HSPA12A: variants seen among roughly 807,000 people sequenced by gnomAD.
HSPA12A encodes heat shock 70 kDa protein 12A.
HSPA12A carries 28 observed loss-of-function variants against 69.2 expected under a neutral mutation model. That is an observed-to-expected ratio of 0.40 (90% CI 0.30 to 0.55). The LOEUF (loss-of-function observed/expected upper bound fraction) is 0.55. Among genes scored for constraint, HSPA12A ranks in the 20% least tolerant of loss-of-function variants. The pLI, the probability that HSPA12A is intolerant of heterozygous loss-of-function variation, is 0.38. For synonymous variants in HSPA12A, 345 were observed against 370.5 expected (o/e 0.93, Z 0.79); for missense variants, 686 against 900.7 (o/e 0.76, Z 3.05).
At chr10:116,779,554 G>C (rs1248402903) in intron 2 of HSPA12A, among the ~76,000 whole-genome samples, 3 of 152,310 alleles carry the variant, frequency 2.0e-5, no homozygotes, top group East Asian at 1.9e-4. Context: ...CCTTTGCCAG[G>C]AGACAGGGAA....
intron 2 of HSPA12A, among the ~76,000 whole-genome samples, chr10:116,779,775 T>A (rs556473470): frequency 2.6e-5 from 4 of 151,874 alleles, no homozygotes; most frequent in Non-Finnish European, 5.9e-5. Context: ...CGAAGCCCAA[T>A]GTGAAGGGAA....
intron 2 of HSPA12A, among the ~76,000 whole-genome samples, chr10:116,787,367 G>A (rs1844600460): frequency 7.1e-6 from 1 of 140,410 alleles, no homozygotes; most frequent in African/African-American, 2.6e-5. Flanking sequence ...CTCCTAATAA[G>A]CACAAGATTG....
chr10:116,737,689 C>A (rs1851355203), intron 1 of HSPA12A, among the ~76,000 whole-genome samples: 1 of 152,204 alleles, frequency 6.6e-6, no homozygotes, highest in East Asian at 1.9e-4. Context: ...CTCTGCAGCT[C>A]AGGATTGCCC....
At chr10:116,727,539 C>T (rs782573247) in intron 1 of HSPA12A, among the ~76,000 whole-genome samples, 5 of 152,256 alleles carry the variant, frequency 3.3e-5, no homozygotes, top group Non-Finnish European at 2.9e-5. Flanking sequence ...TGAGTACAGG[C>T]GTCCCCAACT....
chr10:116,843,943 C>T (rs978180346), intron 1 of HSPA12A, among the ~76,000 whole-genome samples: 3 of 152,140 alleles, frequency 2.0e-5, no homozygotes, highest in African/African-American at 7.2e-5. Flanking sequence ...CCAGGTGATT[C>T]TAATGTGTGG....
chr10:116,848,184 G>A (rs1244757531), intron 1 of HSPA12A, among the ~76,000 whole-genome samples: 1 of 152,230 alleles, frequency 6.6e-6, no homozygotes, highest in Non-Finnish European at 1.5e-5. Context: ...TGGATGTGAA[G>A]GTAACACAGA....
chr10:116,673,819 T>C lies in HSPA12A; in HGVS notation c.*962A>G, dbSNP rs935149874. On this transcript the variant is annotated 3_prime_UTR_variant, in exon 12 of 12. Transcript: ENST00000369209. ...TGTGGAATTAAATGGCCAAAACTCT[T>C]AGGGAGATGAAGGTGAGTGGGAAGG... 4 of 152,136 alleles carry C rather than the reference T, an allele frequency of 2.6e-5. No homozygotes were observed. The highest frequency in any genetic ancestry group is 1.3e-4 in the Admixed American group (2 of 15,266). The allele number at this position is 152,136 out of a possible 1,614,324, so 9.4% of individuals were successfully genotyped here. A position where few individuals can be genotyped will look rare whatever the true frequency, so the allele number is the denominator to read the frequency against.
upstream of HSPA12A, chr10:116,850,109 G>T: frequency 2.9e-6 from 1 of 345,132 alleles, no homozygotes; most frequent in South Asian, 2.5e-5. Flanking sequence ...CCTCAGCTCA[G>T]CTCACCGACC....
At chr10:116,810,941 C>G (rs1401316653) in intron 2 of HSPA12A, among the ~76,000 whole-genome samples, 1 of 152,152 alleles carries the variant, frequency 6.6e-6, no homozygotes. Flanking sequence ...TGTGGTCCTG[C>G]CCCACGGAAT....
rs567784074 is a variant in HSPA12A, at chr10:116,726,602, T to A, written c.40+15828A>T. ...AATTTCCCACAGTTCCTTCTGGGGG[T>A]GCCTGTCAAACCACCAGGCCCAAGA... On this transcript the variant is annotated intron_variant, in intron 1 of 11. Coordinates refer to ENST00000369209, the MANE Select transcript of HSPA12A (RefSeq NM_025015.3). 3.1e-4 allele frequency among the ~76,000 whole-genome samples: 47 copies of A among 152,134 alleles called. 1 individual carries two copies. The South Asian group carries it at 9.8e-3, about 32-fold the overall frequency.
At chr10:116,736,494 C>G (rs541769888) in intron 1 of HSPA12A, among the ~76,000 whole-genome samples, 1 of 152,148 alleles carries the variant, frequency 6.6e-6, no homozygotes, top group Non-Finnish European at 1.5e-5. Context: ...AAAAGGGAGT[C>G]AGCAGATGTG....
chr10:116,781,604 CT>C (rs1437506956), intron 2 of HSPA12A, among the ~76,000 whole-genome samples: 6 of 152,160 alleles, frequency 3.9e-5, no homozygotes, highest in Non-Finnish European at 8.8e-5. Flanking sequence ...CTCAGGAAGC[CT>C]TTTTCTCTGC....
chr10:116,721,164 G>C (rs1366647881), intron 1 of HSPA12A, among the ~76,000 whole-genome samples: 1 of 152,198 alleles, frequency 6.6e-6, no homozygotes, highest in African/African-American at 2.4e-5. Context: ...ATTAACTTTA[G>C]ACTTTGCTAA....
At chr10:116,733,865 G>T (rs1222773283) in intron 1 of HSPA12A, among the ~76,000 whole-genome samples, 1 of 152,048 alleles carries the variant, frequency 6.6e-6, no homozygotes, top group East Asian at 1.9e-4. Flanking sequence ...TATTTTCAAC[G>T]TTTTTATGGG....
intron 1 of HSPA12A, among the ~76,000 whole-genome samples, chr10:116,741,222 T>C (rs969521370): frequency 3.3e-5 from 5 of 152,096 alleles, no homozygotes; most frequent in African/African-American, 1.2e-4. Context: ...GCAGGAACAA[T>C]GGGCTGGGGT....
chr10:116,701,179 T>C (rs1554881595), intron 3 of HSPA12A, 50 bp from the exon 4 acceptor site: 1 of 1,574,148 alleles, frequency 6.4e-7, no homozygotes, highest in Non-Finnish European at 8.7e-7. Context: ...AAAATCCCAA[T>C]TCAGGCAGCA....
intron 1 of HSPA12A, among the ~76,000 whole-genome samples, chr10:116,720,979 G>A (rs926550145): frequency 6.6e-6 from 1 of 152,174 alleles, no homozygotes; most frequent in Non-Finnish European, 1.5e-5. Context: ...ACAGGCAGCC[G>A]CAGCACAGAC....
At chr10:116,684,275 G>A (rs969860190) in intron 6 of HSPA12A, among the ~76,000 whole-genome samples, 11 of 152,144 alleles carry the variant, frequency 7.2e-5, no homozygotes, top group African/African-American at 2.7e-4. Flanking sequence ...CCATGGGGAG[G>A]AGCGGGGGGA....
intron 5 of HSPA12A, among the ~76,000 whole-genome samples, chr10:116,694,063 G>T (rs1484377254): frequency 6.6e-6 from 1 of 152,182 alleles, no homozygotes; most frequent in Non-Finnish European, 1.5e-5. Context: ...TCTTTAAAAG[G>T]AAAAGGGTTC....
Sources: allele counts gnomAD v4.1 joint callset (sites outside exome capture counted in the v4.1 genomes callset), GRCh38; gene constraint gnomAD v4.1.1; transcripts MANE v1.5; gene names NCBI Gene and HGNC (gene_info 2026-07-23, HGNC 2026-07-21).